TTC6: variants seen among roughly 807,000 people sequenced by gnomAD.
The protein encoded by TTC6 is tetratricopeptide repeat domain 6, also known as tetratricopeptide repeat protein 6.
A neutral mutation model predicts 210.4 loss-of-function variants in TTC6; 172 were observed. That is an observed-to-expected ratio of 0.82 (90% confidence interval 0.72 to 0.93). TTC6 has a LOEUF of 0.93. TTC6 is among the 40% of genes least tolerant of loss of function. TTC6 has a pLI of 0.00. For synonymous variants in TTC6, 804 were observed against 819.6 expected (o/e 0.98, Z 0.32); for missense variants, 2,414 against 2,318.1 (o/e 1.04, Z -0.85).
At chr14:37,689,095 C>A (rs1461932742) in intron 3 of TTC6, among the ~76,000 whole-genome samples, 1 of 151,786 alleles carries the variant, frequency 6.6e-6, no homozygotes, top group Non-Finnish European at 1.5e-5. Flanking sequence ...AGAATTCTAT[C>A]TTAGAAATTT....
chr14:37,635,824 C>G (rs1233681240), intron 1 of TTC6, among the ~76,000 whole-genome samples: 1 of 151,510 alleles, frequency 6.6e-6, no homozygotes, highest in East Asian at 1.9e-4. Flanking sequence ...ACCAAAAATA[C>G]AAAAATTAGA....
chr14:37,631,614 G>A (rs177845), intron 1 of TTC6, among the ~76,000 whole-genome samples: 39,387 of 151,982 alleles, frequency 0.26, 5,737 homozygotes, highest in Non-Finnish European at 0.33. Context: ...CTCAAGGAAT[G>A]TCTTTGTGTT....
At chr14:37,618,577 T>A (rs1396391425), upstream of TTC6, among the ~76,000 whole-genome samples, 3 of 152,236 alleles carry the variant, frequency 2.0e-5, no homozygotes, top group Non-Finnish European at 2.9e-5. Context: ...ACATGCTATT[T>A]TCTCATGAGA....
exon 20 of TTC6, chr14:37,796,874 T>C (rs2096093958): frequency 6.2e-7 from 1 of 1,611,468 alleles, no homozygotes; most frequent in African/African-American, 1.3e-5. Flanking sequence ...TTGGACGGAA[T>C]CAGCTGGAAT....
chr14:37,791,829 G>T (rs371375650), intron 16 of TTC6, among the ~76,000 whole-genome samples: 16 of 152,106 alleles, frequency 1.1e-4, no homozygotes, highest in African/African-American at 3.1e-4. Flanking sequence ...GAAAAGCTGT[G>T]TTAATATGTA....
rs1338832630 is a variant in TTC6, at chr14:37,768,264, G to A, written c.3266+15029G>A. ...CCTCCAGCTTTGTTCTTTTGGCTTA[G>A]GATTGACTTGGTGATGCGGGCTCTT... On this transcript the variant is annotated intron_variant, in intron 14 of 30. Coordinates refer to ENST00000553443, the Ensembl canonical transcript of TTC6. 7.3e-5 allele frequency among the ~76,000 whole-genome samples: 11 copies of A among 151,452 alleles called. No homozygotes were observed. The East Asian group carries it at 2.1e-3, about 29-fold the overall frequency.
At chr14:37,625,274 G>A (rs1333286681) in intron 1 of TTC6, among the ~76,000 whole-genome samples, 2 of 152,060 alleles carry the variant, frequency 1.3e-5, no homozygotes, top group Non-Finnish European at 2.9e-5. Context: ...TAGGCCGGGC[G>A]CGGTGGCTCA....
intron 14 of TTC6, among the ~76,000 whole-genome samples, chr14:37,774,734 G>C (rs1399072431): frequency 6.6e-6 from 1 of 152,150 alleles, no homozygotes; most frequent in African/African-American, 2.4e-5. Flanking sequence ...TTGACATCAG[G>C]ATAATGCTGG....
chr14:37,610,125 T>C (rs1157963476), intron 2 of TTC6, among the ~76,000 whole-genome samples: 1 of 152,194 alleles, frequency 6.6e-6, no homozygotes, highest in Non-Finnish European at 1.5e-5. Context: ...ATGGTAAAGC[T>C]GTGTGTCCCA....
At chr14:37,744,149 G>C (rs1210127323) in intron 10 of TTC6, among the ~76,000 whole-genome samples, 1 of 152,108 alleles carries the variant, frequency 6.6e-6, no homozygotes, top group South Asian at 2.1e-4. Flanking sequence ...TAGGAATTCA[G>C]CAACAATTTG....
At chr14:37,784,290 T>C (rs954104982) in intron 14 of TTC6, among the ~76,000 whole-genome samples, 7 of 152,330 alleles carry the variant, frequency 4.6e-5, no homozygotes, top group African/African-American at 1.7e-4. Context: ...ACTTGCTTTA[T>C]GAATCTGGGT....
At chr14:37,709,260 G>A (rs1213596429) in intron 5 of TTC6, among the ~76,000 whole-genome samples, 2 of 152,112 alleles carry the variant, frequency 1.3e-5, no homozygotes, top group Non-Finnish European at 2.9e-5. Flanking sequence ...AGAGTTGTAA[G>A]AGATCTTAGT....
intron 2 of TTC6, among the ~76,000 whole-genome samples, chr14:37,613,467 C>T: frequency 6.6e-6 from 1 of 151,976 alleles, no homozygotes; most frequent in Middle Eastern, 3.4e-3. Flanking sequence ...TTAAAAAATG[C>T]CTTTGTCAGG....
chr14:37,597,475 A>AG (rs892903631), intron 1 of TTC6, among the ~76,000 whole-genome samples: 5 of 151,956 alleles, frequency 3.3e-5, no homozygotes, highest in East Asian at 1.9e-4. Context: ...GTCACCTTAA[A>AG]GGGGGGGTCA....
chr14:37,631,537 C>A (rs913035791), intron 1 of TTC6, among the ~76,000 whole-genome samples: 4 of 152,102 alleles, frequency 2.6e-5, no homozygotes, highest in African/African-American at 4.8e-5. Context: ...GTCTGGCTGC[C>A]CTTAACATTT....
chr14:37,637,636 AG>A (rs2095683550), intron 1 of TTC6, among the ~76,000 whole-genome samples: 1 of 152,164 alleles, frequency 6.6e-6, no homozygotes, highest in Non-Finnish European at 1.5e-5. Flanking sequence ...CCGGGTCCTG[AG>A]GAAAAAAAAG....
chr14:37,835,134 C>T (rs2096194731), intron 29 of TTC6, among the ~76,000 whole-genome samples: 2 of 152,122 alleles, frequency 1.3e-5, no homozygotes, highest in Admixed American at 1.3e-4. Flanking sequence ...TGGCAGGGCA[C>T]ATAGGCACTG....
At position 37,805,047 on chromosome 14, in the gene TTC6, G is replaced by T. The variant is rs150977646; in HGVS notation, c.4164+233G>T. On this transcript the variant is annotated intron_variant, in intron 21 of 30. Transcript: ENST00000553443. The stretch of plus-strand genomic sequence containing the variant: ...AACAATATTCTAAAGATTAATATGC[G>T]TTTCCCACCAGAACAATAAATCTAA... 4.2e-3 allele frequency among the ~76,000 whole-genome samples: 644 copies of T among 152,154 alleles called. 6 individuals carry two copies. The highest frequency in any genetic ancestry group is 0.011 in the South Asian group (52 of 4,810).
intron 1 of TTC6, among the ~76,000 whole-genome samples, chr14:37,651,633 A>G (rs187588438): frequency 2.6e-5 from 4 of 152,020 alleles, no homozygotes; most frequent in African/African-American, 9.6e-5. Context: ...TCTCAAGTAC[A>G]GAGGGTGCCA....
Sources: allele counts gnomAD v4.1 joint callset (sites outside exome capture counted in the v4.1 genomes callset), GRCh38; gene constraint gnomAD v4.1.1; transcripts MANE v1.5; gene names NCBI Gene and HGNC (gene_info 2026-07-23, HGNC 2026-07-21).